Variants in RALGPS2 observed in about 807,000 individuals in gnomAD.
RALGPS2 encodes the protein ras-specific guanine nucleotide-releasing factor RalGPS2.
RALGPS2 carries 43 observed loss-of-function variants against 86.8 expected under a neutral mutation model. The ratio of observed to expected loss-of-function variants is 0.50; its 90% confidence interval spans 0.39 to 0.64. The LOEUF (loss-of-function observed/expected upper bound fraction) is 0.64, where lower values mean the gene tolerates loss of function less well. RALGPS2 is among the 30% of genes least tolerant of loss of function. RALGPS2 has a pLI of 0.00. For missense variants in RALGPS2, 536 were observed against 694.6 expected, an observed-to-expected ratio of 0.77 and a Z score of 2.57; for synonymous variants, 243 against 231.3, an observed-to-expected ratio of 1.05 and a Z score of -0.46.
intron 8 of RALGPS2, among the ~76,000 whole-genome samples, chr1:178,837,126 A>G (rs577740724): frequency 6.6e-6 from 1 of 152,290 alleles, no homozygotes; most frequent in South Asian, 2.1e-4. Flanking sequence ...GGTCTCATTC[A>G]GGTTTTTTCT....
At chr1:178,852,948 C>A in intron 8 of RALGPS2, 2 of 1,606,936 alleles carry the variant, frequency 1.2e-6, no homozygotes, top group South Asian at 2.2e-5. Context: ...TGTTTCCAAA[C>A]CCTTTCTGTT....
intron 1 of RALGPS2, among the ~76,000 whole-genome samples, chr1:178,771,993 G>T (rs1652832224): frequency 6.6e-6 from 1 of 152,070 alleles, no homozygotes; most frequent in Non-Finnish European, 1.5e-5. Context: ...TGTCCCCTAG[G>T]GGTTAGGGAA....
At chr1:178,795,072 CG>C (rs1654124183) in intron 4 of RALGPS2, among the ~76,000 whole-genome samples, 2 of 151,576 alleles carry the variant, frequency 1.3e-5, no homozygotes, top group Admixed American at 1.3e-4. Context: ...TCCAGCTACT[CG>C]GGAGGCTGAT....
intron 1 of RALGPS2, 84 bp from the exon 2 acceptor site, chr1:178,776,598 T>G: frequency 2.1e-6 from 1 of 480,064 alleles, no homozygotes. Flanking sequence ...TTGAAATTTT[T>G]GTTTCTTGGC....
intron 1 of RALGPS2, among the ~76,000 whole-genome samples, chr1:178,774,869 A>G (rs564378093): frequency 6.6e-6 from 1 of 150,494 alleles, no homozygotes; most frequent in Admixed American, 6.6e-5. Context: ...GGCTGCTATC[A>G]TTAGTAATAA....
At chr1:178,749,908 A>G (rs1651555719) in intron 1 of RALGPS2, among the ~76,000 whole-genome samples, 2 of 152,140 alleles carry the variant, frequency 1.3e-5, no homozygotes, top group Admixed American at 1.3e-4. Flanking sequence ...CAGCCTGGGC[A>G]GTGTGGCAAA....
At chr1:178,856,354 A>G (rs1657569306) in intron 8 of RALGPS2, among the ~76,000 whole-genome samples, 1 of 142,270 alleles carries the variant, frequency 7.0e-6, no homozygotes, top group Admixed American at 7.0e-5. Context: ...CAGCCTCCCA[A>G]GTAGCTAGGA....
chr1:178,886,903 G>A (rs1159259790), intron 13 of RALGPS2, among the ~76,000 whole-genome samples: 1 of 152,140 alleles, frequency 6.6e-6, no homozygotes, highest in Non-Finnish European at 1.5e-5. Flanking sequence ...AATTGACTGG[G>A]GGATTTGGCA....
chr1:178,770,898 G>A (rs1279802285), intron 1 of RALGPS2, among the ~76,000 whole-genome samples: 2 of 150,582 alleles, frequency 1.3e-5, no homozygotes, highest in Non-Finnish European at 3.0e-5. Flanking sequence ...GAGTGCAGTG[G>A]CACTATCTCG....
At chr1:178,809,639 C>G (rs1654885808) in intron 5 of RALGPS2, among the ~76,000 whole-genome samples, 1 of 151,948 alleles carries the variant, frequency 6.6e-6, no homozygotes, top group East Asian at 1.9e-4. Context: ...GTTGGTTATT[C>G]TGGGTCAGTG....
intron 8 of RALGPS2, among the ~76,000 whole-genome samples, chr1:178,858,416 A>G (rs1657735544): frequency 1.3e-5 from 2 of 152,200 alleles, no homozygotes; most frequent in Non-Finnish European, 2.9e-5. Context: ...GAGAAGCCAG[A>G]TTTAATTCAC....
At chr1:178,792,193 A>T (rs1166783637) in intron 4 of RALGPS2, among the ~76,000 whole-genome samples, 1 of 152,264 alleles carries the variant, frequency 6.6e-6, no homozygotes, top group East Asian at 1.9e-4. Context: ...ACCAAAGAAA[A>T]GAATTCACCA....
At chr1:178,845,633 G>A (rs1396692976) in intron 8 of RALGPS2, among the ~76,000 whole-genome samples, 2 of 152,252 alleles carry the variant, frequency 1.3e-5, no homozygotes, top group African/African-American at 2.4e-5. Flanking sequence ...AACAATAAAT[G>A]TATTTGTGTG....
intron 4 of RALGPS2, among the ~76,000 whole-genome samples, chr1:178,805,824 C>G (rs1558127689): frequency 6.6e-6 from 1 of 152,018 alleles, no homozygotes; most frequent in African/African-American, 2.4e-5. Flanking sequence ...TCGAACTGTA[C>G]TTAAGTTTTG....
rs1006381165 is a variant in RALGPS2, at chr1:178,885,927, G to A, written c.1041-42G>A. On this transcript the variant is annotated intron_variant, in intron 12 of 19. Coordinates refer to ENST00000367635, the MANE Select transcript of RALGPS2 (RefSeq NM_152663.5). ...TATATAAAGAGCAGTTTTTAAATTA[G>A]TAACAATAATAAAAGATATGAACTT... 12 of 1,484,202 alleles carry A rather than the reference G, an allele frequency of 8.1e-6. No individual in the cohort carries two copies. In the African/African-American group the frequency reaches 1.0e-4, roughly 13 times the overall value. The allele number at this position is 1,484,202 out of a possible 1,614,324, so 91.9% of individuals were successfully genotyped here.
intron 7 of RALGPS2, among the ~76,000 whole-genome samples, chr1:178,831,425 C>T (rs1656012210): frequency 1.3e-5 from 2 of 152,036 alleles, no homozygotes; most frequent in Non-Finnish European, 2.9e-5. Flanking sequence ...CTGACATGAG[C>T]GGGCATTCAT....
At chr1:178,865,788 G>A (rs972558764) in intron 8 of RALGPS2, 3 of 1,543,758 alleles carry the variant, frequency 1.9e-6, no homozygotes, top group Non-Finnish European at 1.7e-6. Context: ...TTGAAATGAG[G>A]TTGTAAAATG....
intron 13 of RALGPS2, among the ~76,000 whole-genome samples, chr1:178,888,928 C>T (rs1043396899): frequency 6.6e-6 from 1 of 152,054 alleles, no homozygotes; most frequent in Non-Finnish European, 1.5e-5. Context: ...TTAACTTGAC[C>T]TATTAATCAT....
At chr1:178,865,472 A>C in intron 8 of RALGPS2, 1 of 1,614,106 alleles carries the variant, frequency 6.2e-7, no homozygotes, top group Non-Finnish European at 8.5e-7. Context: ...CACCAGTTGC[A>C]GAACATCTAT....
Sources: gnomAD v4.1 joint callset for allele counts (sites outside exome capture counted in the v4.1 genomes callset) on GRCh38, gnomAD v4.1.1 for gene constraint, MANE v1.5 for transcripts, NCBI Gene and HGNC (gene_info 2026-07-23, HGNC 2026-07-21) for gene names.